PROM1: variants seen among roughly 807,000 people sequenced by gnomAD.
The protein encoded by PROM1 is prominin-1.
Under a neutral mutation model 116.9 loss-of-function variants are expected in PROM1, and 105 were observed. The observed-to-expected ratio is 0.90, with a 90% confidence interval of 0.77 to 1.06. PROM1 has a LOEUF of 1.06. PROM1 is among the 50% of genes least tolerant of loss of function. PROM1 has a pLI of 0.00. For missense variants in PROM1, 1,122 were observed against 1,045.2 expected, an observed-to-expected ratio of 1.07 and a Z score of -1.01; for synonymous variants, 393 against 387.0, an observed-to-expected ratio of 1.02 and a Z score of -0.18.
At position 15,984,153 on chromosome 4, in the gene PROM1, T is replaced by C. The variant is rs561645865; in HGVS notation, c.2373+110A>G. The C allele has an allele frequency of 1.6e-5, 15 of 911,104 alleles. No homozygotes were observed. In the East Asian group the frequency reaches 4.0e-4, roughly 25 times the overall value. 56.4% of individuals were successfully genotyped at this position (911,104 alleles called of 1,614,324 possible). On this transcript the variant is annotated intron_variant, in intron 23 of 27. Coordinates refer to ENST00000447510, the MANE Select transcript of PROM1 (RefSeq NM_006017.3). ...ACTGATCAAAATATTACATTTTAGG[T>C]TTTGGATTCTCTCAAGCAGAAAACA...
chr4:15,975,857 G>GA (rs1197910016), intron 26 of PROM1, among the ~76,000 whole-genome samples: 1 of 152,224 alleles, frequency 6.6e-6, no homozygotes, highest in Non-Finnish European at 1.5e-5. Context: ...TTGTTACCAT[G>GA]AAAGATGCTT....
intron 9 of PROM1, among the ~76,000 whole-genome samples, chr4:16,017,524 T>C (rs1356354588): frequency 2.6e-5 from 4 of 152,238 alleles, no homozygotes; most frequent in African/African-American, 4.8e-5. Flanking sequence ...TGTTATTTTA[T>C]ATAAAATGTG....
At chr4:16,071,166 T>C (rs755454131) in intron 2 of PROM1, among the ~76,000 whole-genome samples, 1 of 152,200 alleles carries the variant, frequency 6.6e-6, no homozygotes, top group Non-Finnish European at 1.5e-5. Flanking sequence ...TCCACCTCCC[T>C]GTGCTCTAAC....
chr4:16,041,284 A>T (rs184113677), intron 2 of PROM1, among the ~76,000 whole-genome samples: 1 of 152,376 alleles, frequency 6.6e-6, no homozygotes, highest in African/African-American at 2.4e-5. Flanking sequence ...GGCTCTTGAT[A>T]AAGCATTAAA....
chr4:15,995,474 G>A (rs17477995), intron 15 of PROM1, among the ~76,000 whole-genome samples: 17,784 of 152,166 alleles, frequency 0.12, 1,091 homozygotes, highest in Middle Eastern at 0.15. Flanking sequence ...AAGCCTACGA[G>A]TAACATTTAT....
At chr4:16,025,512 G>T (rs141164029) in intron 5 of PROM1, among the ~76,000 whole-genome samples, 200 bp from the exon 6 acceptor site, 4 of 152,286 alleles carry the variant, frequency 2.6e-5, no homozygotes, top group Non-Finnish European at 5.9e-5. Context: ...TACAAAACAG[G>T]ACTCAGTCCT....
rs1319165173 is a variant in PROM1 at position 16,075,961 on chromosome 4, C to T, written c.-55G>A. On this transcript the variant is annotated 5_prime_UTR_variant, in exon 2 of 28. Coordinates refer to ENST00000447510, the MANE Select transcript of PROM1 (RefSeq NM_006017.3). ...GAACTTGGTGCCTCCTGCCTCAGAG[C>T]TTCTGGAAGCCTTGGGGAAGGCAAG... The T allele has an allele frequency of 1.3e-6, 2 of 1,514,150 alleles. No homozygotes were observed. Among genetic ancestry groups the T allele is most frequent in the Admixed American group, 4.3e-5 (2 of 46,900 alleles). The allele number at this position is 1,514,150 out of a possible 1,614,324, so 93.8% of individuals were successfully genotyped here.
chr4:16,001,024 T>C (rs968719052), intron 13 of PROM1, among the ~76,000 whole-genome samples: 7 of 152,178 alleles, frequency 4.6e-5, no homozygotes, highest in Admixed American at 1.3e-4. Flanking sequence ...GCAAGCACTC[T>C]TGGCACAGTG....
At chr4:16,042,198 C>T (rs1345247799) in intron 2 of PROM1, among the ~76,000 whole-genome samples, 1 of 152,184 alleles carries the variant, frequency 6.6e-6, no homozygotes, top group Non-Finnish European at 1.5e-5. Context: ...AAAACTAGAG[C>T]TTTCAAGCAA....
At chr4:16,025,783 T>C (rs1020625174) in intron 5 of PROM1, among the ~76,000 whole-genome samples, 6 of 152,042 alleles carry the variant, frequency 3.9e-5, no homozygotes, top group Non-Finnish European at 5.9e-5. Flanking sequence ...GAAAAAAACA[T>C]CAAAATGGTT....
At chr4:16,040,830 T>C (rs1262881228) in intron 2 of PROM1, among the ~76,000 whole-genome samples, 5 of 152,228 alleles carry the variant, frequency 3.3e-5, no homozygotes, top group East Asian at 1.9e-4. Flanking sequence ...ACAGTATCCA[T>C]GGTAAGTGCA....
chr4:15,989,144 A>G (rs917100417), intron 19 of PROM1, among the ~76,000 whole-genome samples: 3 of 152,194 alleles, frequency 2.0e-5, no homozygotes, highest in Admixed American at 1.3e-4. Flanking sequence ...AGATGAGGAA[A>G]CTGAGAAGCT....
intron 9 of PROM1, among the ~76,000 whole-genome samples, chr4:16,017,882 C>A (rs16892805): frequency 6.6e-6 from 1 of 151,942 alleles, no homozygotes; most frequent in Non-Finnish European, 1.5e-5. Context: ...TAGACATGGT[C>A]ATTTTACCTA....
chr4:16,045,263 A>C (rs1736277370), intron 2 of PROM1, among the ~76,000 whole-genome samples: 1 of 152,084 alleles, frequency 6.6e-6, no homozygotes, highest in Non-Finnish European at 1.5e-5. Context: ...CACGCACACC[A>C]CTTCCAGGCC....
chr4:15,976,758 C>T (rs1456512207), intron 26 of PROM1, among the ~76,000 whole-genome samples: 5 of 152,220 alleles, frequency 3.3e-5, no homozygotes, highest in Non-Finnish European at 5.9e-5. Context: ...GCAGCACATT[C>T]TTCCAGGCCT....
At chr4:16,040,378 C>T (rs1177933968) in intron 2 of PROM1, among the ~76,000 whole-genome samples, 1 of 152,180 alleles carries the variant, frequency 6.6e-6, no homozygotes, top group Non-Finnish European at 1.5e-5. Context: ...CTGTCTAATC[C>T]CCTTCCGACA....
chr4:16,007,548 A>T (rs1216604551), intron 12 of PROM1, among the ~76,000 whole-genome samples: 2 of 152,252 alleles, frequency 1.3e-5, no homozygotes, highest in Non-Finnish European at 2.9e-5. Flanking sequence ...ACAGGCAGCC[A>T]TTCTGGGGAG....
At position 16,009,046 on chromosome 4, in the gene PROM1, T is replaced by G. The variant is rs1726218291; in HGVS notation, c.1204A>C (p.Ile402Leu). Residue 402 changes from isoleucine to leucine, a missense_variant, in exon 12 of 28, where the codon ATT becomes CTT. Coordinates refer to ENST00000447510, the MANE Select transcript of PROM1 (RefSeq NM_006017.3). ...DIDNVTQRLP[I>L]QDILSAFSVY... ...GAGAATGCTGAGAGTATATCCTGAA[T>G]AGGAAGACGCTGAGTTACATTGTCG... 1 of 1,608,110 alleles carries G rather than the reference T, an allele frequency of 6.2e-7. No homozygotes were observed. Among genetic ancestry groups the G allele is most frequent in the Admixed American group, 1.7e-5 (1 of 60,006 alleles).
intron 11 of PROM1, among the ~76,000 whole-genome samples, chr4:16,009,661 C>T (rs200639325): frequency 3.3e-5 from 5 of 151,996 alleles, no homozygotes; most frequent in East Asian, 3.9e-4. Flanking sequence ...TATTCAGGGC[C>T]GGGCACAGTG....
Sources: allele counts gnomAD v4.1 joint callset (sites outside exome capture counted in the v4.1 genomes callset), GRCh38; gene constraint gnomAD v4.1.1; transcripts MANE v1.5; gene names NCBI Gene and HGNC (gene_info 2026-07-23, HGNC 2026-07-21).